WDFY2: variants seen among roughly 807,000 people sequenced by gnomAD.
WDFY2 encodes the protein WD repeat and FYVE domain containing 2.
Under a neutral mutation model 56.4 loss-of-function variants are expected in WDFY2, and 36 were observed. That is an observed-to-expected ratio of 0.64 (90% CI 0.49 to 0.84). The LOEUF is 0.84. Ranked by LOEUF, WDFY2 falls within the 40% of genes least tolerant of loss-of-function variation. The pLI is 0.00. For synonymous variants in WDFY2, 176 were observed against 183.7 expected, an observed-to-expected ratio of 0.96 and a Z score of 0.34; for missense variants, 444 against 512.2, an observed-to-expected ratio of 0.87 and a Z score of 1.29.
intron 4 of WDFY2, among the ~76,000 whole-genome samples, chr13:51,706,262 T>TA (rs996058058): frequency 2.0e-5 from 3 of 152,138 alleles, no homozygotes; most frequent in Admixed American, 2.0e-4. Context: ...GAGATACAAA[T>TA]AAAAAAATTT....
chr13:51,593,985 A>G (rs1358270044), intron 1 of WDFY2: 4 of 152,174 alleles, frequency 2.6e-5, no homozygotes, highest in Non-Finnish European at 5.9e-5. Flanking sequence ...CATTCCCACT[A>G]CTGATCAGCA....
At chr13:51,726,584 G>A (rs537028285) in intron 5 of WDFY2, among the ~76,000 whole-genome samples, 2 of 152,324 alleles carry the variant, frequency 1.3e-5, no homozygotes, top group South Asian at 4.1e-4. Flanking sequence ...TTCCCAGAAG[G>A]AAAGCAGGTA....
rs567984056 is a variant in WDFY2, at chr13:51,595,150, A to C, written c.137+10326A>C. Among the ~76,000 whole-genome samples, 18 of 152,168 alleles carry C rather than the reference A, an allele frequency of 1.2e-4. No individual in the cohort carries two copies. The East Asian group carries it at 2.9e-3, about 24-fold the overall frequency. ...GCTGTGTTCTCCTTTGCAGGCTTCTATCTCTCTCTTCATTTGCTATCTTGC... is the reference window on the plus strand; with the variant it reads ...GCTGTGTTCTCCTTTGCAGGCTTCTCTCTCTCTCTTCATTTGCTATCTTGC... On this transcript the variant is annotated intron_variant, in intron 1 of 11. Coordinates refer to ENST00000298125, the MANE Select transcript of WDFY2 (RefSeq NM_052950.4).
chr13:51,710,544 G>A (rs1473161136), intron 4 of WDFY2, among the ~76,000 whole-genome samples: 1 of 152,120 alleles, frequency 6.6e-6, no homozygotes, highest in Non-Finnish European at 1.5e-5. Flanking sequence ...AAACCCCATT[G>A]TCTCAGCCCA....
intron 1 of WDFY2, among the ~76,000 whole-genome samples, chr13:51,660,027 C>T (rs752223970): frequency 2.0e-5 from 3 of 152,172 alleles, no homozygotes; most frequent in Non-Finnish European, 4.4e-5. Context: ...AATTTTCAAA[C>T]ACTATCATGA....
At chr13:51,623,014 T>C (rs1447615907) in intron 1 of WDFY2, among the ~76,000 whole-genome samples, 2 of 151,948 alleles carry the variant, frequency 1.3e-5, no homozygotes, top group African/African-American at 2.4e-5. Context: ...CGCACAACCA[T>C]GCCTGGCTAA....
intron 1 of WDFY2, among the ~76,000 whole-genome samples, chr13:51,615,829 T>C (rs1954600228): frequency 6.6e-6 from 1 of 152,250 alleles, no homozygotes. Flanking sequence ...GGTTATTTTT[T>C]ACTTTTTATA....
At chr13:51,585,966 A>G (rs1406030354) in intron 1 of WDFY2, 4 of 398,382 alleles carry the variant, frequency 1.0e-5, no homozygotes, top group Non-Finnish European at 1.8e-5. Flanking sequence ...TATATTAATG[A>G]CATGTTCTTG....
chr13:51,738,916 T>C, intron 6 of WDFY2, 133 bp from the exon 7 acceptor site: 17 of 1,179,046 alleles, frequency 1.4e-5, no homozygotes, highest in Non-Finnish European at 1.9e-5. Flanking sequence ...GGGGACTTAC[T>C]TGATTGTTCT....
rs564791350 is a variant in WDFY2, at chr13:51,646,572, A to G, written c.138-14024A>G. Among the ~76,000 whole-genome samples, 161 of 152,292 alleles carry G rather than the reference A, an allele frequency of 1.1e-3. 1 individual carries two copies. The highest frequency in any genetic ancestry group is 1.8e-3 in the Non-Finnish European group (124 of 68,026). On this transcript the variant is annotated intron_variant, in intron 1 of 11. Transcript: ENST00000298125. ...GGCACTTGTTTTTCTTTGTGGTTCC[A>G]GTGTGTTTCACATACCAGTACCTAG... is the stretch of plus-strand genomic sequence containing the variant.
At chr13:51,651,678 G>C (rs1316645877) in intron 1 of WDFY2, among the ~76,000 whole-genome samples, 1 of 152,208 alleles carries the variant, frequency 6.6e-6, no homozygotes, top group Non-Finnish European at 1.5e-5. Flanking sequence ...TATGTACCCA[G>C]TAGTCATTCA....
intron 1 of WDFY2, among the ~76,000 whole-genome samples, chr13:51,643,564 C>T (rs1385638384): frequency 6.6e-6 from 1 of 152,146 alleles, no homozygotes; most frequent in African/African-American, 2.4e-5. Context: ...TGAACACTCT[C>T]ATATTGTTGA....
At chr13:51,599,969 C>G (rs980639757) in intron 1 of WDFY2, among the ~76,000 whole-genome samples, 4 of 152,108 alleles carry the variant, frequency 2.6e-5, no homozygotes, top group African/African-American at 9.7e-5. Flanking sequence ...CATGTGGCCA[C>G]TGTGACACAA....
chr13:51,589,977 A>G (rs1285443426), intron 1 of WDFY2: 1 of 152,216 alleles, frequency 6.6e-6, no homozygotes, highest in Non-Finnish European at 1.5e-5. Context: ...TCCAAAGGTC[A>G]GAAATAGACT....
At chr13:51,675,288 C>A in intron 3 of WDFY2, 45 bp downstream of exon 3, 1 of 1,520,808 alleles carries the variant, frequency 6.6e-7, no homozygotes, top group Non-Finnish European at 9.1e-7. Context: ...ACTTCCCTTC[C>A]TGTGGAGTAT....
intron 2 of WDFY2, among the ~76,000 whole-genome samples, chr13:51,670,830 G>A (rs754427768): frequency 2.9e-4 from 44 of 152,018 alleles, no homozygotes; most frequent in Non-Finnish European, 5.6e-4. Flanking sequence ...CCTATCACCC[G>A]ACCAGTGTAC....
intron 1 of WDFY2, among the ~76,000 whole-genome samples, chr13:51,622,443 T>C (rs1179557083): frequency 6.6e-6 from 1 of 152,242 alleles, no homozygotes; most frequent in Non-Finnish European, 1.5e-5. Flanking sequence ...TAAATGACTG[T>C]TCTTTACTTG....
At chr13:51,663,403 C>T (rs1465922791) in intron 2 of WDFY2, among the ~76,000 whole-genome samples, 1 of 152,040 alleles carries the variant, frequency 6.6e-6, no homozygotes, top group East Asian at 1.9e-4. Flanking sequence ...TGCAGACAAA[C>T]AAGATGTATA....
chr13:51,610,901 T>C (rs1290988829), intron 1 of WDFY2, among the ~76,000 whole-genome samples: 1 of 152,218 alleles, frequency 6.6e-6, no homozygotes, highest in Non-Finnish European at 1.5e-5. Flanking sequence ...ACAGAGGAAT[T>C]TGAGTAACTC....
Sources: allele counts gnomAD v4.1 joint callset (sites outside exome capture counted in the v4.1 genomes callset), GRCh38; gene constraint gnomAD v4.1.1; transcripts MANE v1.5; gene names NCBI Gene and HGNC (gene_info 2026-07-23, HGNC 2026-07-21).